The following GABBR2 variants were observed in gnomAD, a reference collection of about 807,000 sequenced individuals.
GABBR2 encodes gamma-aminobutyric acid type B receptor subunit 2, also known as G-protein coupled receptor 51.
In GABBR2, 23 loss-of-function variants were observed where a neutral mutation model predicts 105.6. The observed-to-expected ratio is 0.22, with a 90% CI of 0.16 to 0.31. The LOEUF is 0.31. Among genes scored for constraint, GABBR2 ranks in the 10% least tolerant of loss-of-function variants. GABBR2 has a pLI of 1.00. For missense variants in GABBR2, 734 were observed against 1,245.5 expected, an observed-to-expected ratio of 0.59 and a Z score of 6.18; for synonymous variants, 478 against 499.7, an observed-to-expected ratio of 0.96 and a Z score of 0.58.
intron 7 of GABBR2, among the ~76,000 whole-genome samples, chr9:98,445,003 T>C (rs1411581313): frequency 6.6e-6 from 1 of 152,272 alleles, no homozygotes; most frequent in Non-Finnish European, 1.5e-5. Context: ...ATACTTCTGT[T>C]GTCAGTTCTG....
chr9:98,554,734 CTTT>C (rs1828556884), intron 2 of GABBR2, among the ~76,000 whole-genome samples: 1 of 152,192 alleles, frequency 6.6e-6, no homozygotes, highest in Non-Finnish European at 1.5e-5. Flanking sequence ...TTCTATGATT[CTTT>C]ATTACCTTCT....
chr9:98,681,912 T>C (rs1213559140), intron 1 of GABBR2, among the ~76,000 whole-genome samples: 1 of 152,144 alleles, frequency 6.6e-6, no homozygotes. Context: ...AATCCAGCTA[T>C]GTGAAGATGT....
intron 7 of GABBR2, among the ~76,000 whole-genome samples, chr9:98,414,504 T>C (rs72759683): frequency 6.6e-6 from 1 of 152,138 alleles, no homozygotes; most frequent in Admixed American, 6.5e-5. Context: ...CTGAGCTTCA[T>C]TTTGAATGCA....
chr9:98,349,952 C>T (rs1442533036), intron 13 of GABBR2, among the ~76,000 whole-genome samples: 1 of 152,032 alleles, frequency 6.6e-6, no homozygotes. Flanking sequence ...TGTAGGTTTT[C>T]TATTCCTTTC....
At chr9:98,317,363 T>A (rs2131370644) in intron 13 of GABBR2, among the ~76,000 whole-genome samples, 1 of 152,350 alleles carries the variant, frequency 6.6e-6, no homozygotes, top group Admixed American at 6.5e-5. Context: ...TCCCTCTGCA[T>A]AATGCAATTA....
chr9:98,486,928 C>G (rs528462795), intron 4 of GABBR2, among the ~76,000 whole-genome samples: 4 of 152,090 alleles, frequency 2.6e-5, no homozygotes, highest in Admixed American at 2.6e-4. Context: ...TTACTTAGAC[C>G]CCACCCCCCA....
rs980742367 is a variant in GABBR2 at position 98,547,311 on chromosome 9, TTTTATA to T, written c.460-5274_460-5269del. The stretch of plus-strand genomic sequence containing the variant: ...TGCTATATTTATATTGTGTATATTG[TTTTATA>T]TTTATATTTTTATAATATATTTAAC... On this transcript the variant is annotated intron_variant, in intron 2 of 18. Coordinates refer to ENST00000259455, the MANE Select transcript of GABBR2 (RefSeq NM_005458.8). Among the ~76,000 whole-genome samples the T allele has an allele frequency of 3.4e-5, 4 of 117,548 alleles. 1 individual carries two copies. Among genetic ancestry groups the T allele is most frequent in the African/African-American group, 1.1e-4 (4 of 37,160 alleles). The allele number at this position is 117,548 out of a possible 152,430, so 77.1% of individuals were successfully genotyped here.
At chr9:98,481,552 A>G (rs537057681) in intron 4 of GABBR2, among the ~76,000 whole-genome samples, 12 of 152,246 alleles carry the variant, frequency 7.9e-5, no homozygotes, top group Admixed American at 5.2e-4. Flanking sequence ...GAGCTTCCCA[A>G]TTAAGAGGTT....
chr9:98,374,813 C>T (rs1831844649), intron 11 of GABBR2, among the ~76,000 whole-genome samples: 3 of 152,158 alleles, frequency 2.0e-5, no homozygotes, highest in Admixed American at 2.0e-4. Context: ...GCTGATATTG[C>T]TGTGTATTCT....
intron 3 of GABBR2, among the ~76,000 whole-genome samples, chr9:98,519,711 T>G (rs1827829301): frequency 3.2e-5 from 1 of 30,958 alleles, no homozygotes; most frequent in South Asian, 3.3e-3. Flanking sequence ...AGCCGGCAAC[T>G]TTTTTTTTTT....
chr9:98,647,851 G>A (rs1346287956), intron 1 of GABBR2, among the ~76,000 whole-genome samples: 2 of 152,068 alleles, frequency 1.3e-5, no homozygotes, highest in African/African-American at 2.4e-5. Flanking sequence ...TGATACGAAG[G>A]TTAGTCACTG....
At chr9:98,533,768 T>G (rs1828115868) in intron 3 of GABBR2, among the ~76,000 whole-genome samples, 1 of 152,008 alleles carries the variant, frequency 6.6e-6, no homozygotes, top group Admixed American at 6.5e-5. Flanking sequence ...CTGGGGAGGT[T>G]GAGCCAGATG....
intron 2 of GABBR2, among the ~76,000 whole-genome samples, chr9:98,575,692 T>G (rs1430512537): frequency 6.6e-6 from 1 of 152,202 alleles, no homozygotes; most frequent in Non-Finnish European, 1.5e-5. Flanking sequence ...CTGGGCACCC[T>G]GAGGGCATGA....
intron 1 of GABBR2, among the ~76,000 whole-genome samples, chr9:98,636,971 C>A (rs1829886998): frequency 6.6e-6 from 1 of 152,082 alleles, no homozygotes; most frequent in Non-Finnish European, 1.5e-5. Context: ...CCAAGGAATT[C>A]TTGAGGGGAG....
intron 6 of GABBR2, among the ~76,000 whole-genome samples, chr9:98,472,521 C>A (rs893319930): frequency 5.7e-5 from 8 of 139,994 alleles, no homozygotes; most frequent in Non-Finnish European, 9.7e-5. Context: ...CTCCTGATAA[C>A]CCCCAGAAGG....
At chr9:98,344,116 A>G (rs653873) in intron 13 of GABBR2, among the ~76,000 whole-genome samples, 102,933 of 151,826 alleles carry the variant, frequency 0.68, 35,329 homozygotes, top group African/African-American at 0.79. Context: ...CCAAACATGC[A>G]CAGGATCCAG....
At position 98,409,351 on chromosome 9, in the gene GABBR2, G is replaced by A. The variant is rs141747840; in HGVS notation, c.1237-3210C>T. On this transcript the variant is annotated intron_variant, in intron 7 of 18. Transcript: ENST00000259455. ...CAGAATGGATGGTAGTGTGGCAAAC[G>A]TGGAAGCAGAGACTCTGGAAGCTCT... is the stretch of plus-strand genomic sequence containing the variant. Among the ~76,000 whole-genome samples, 26 of 152,354 alleles carry A rather than the reference G, an allele frequency of 1.7e-4. No homozygotes were observed. In the East Asian group the frequency reaches 2.7e-3, roughly 16 times the overall value.
In GABBR2 at chr9:98,306,623, A is replaced by G; in HGVS notation, c.2005-278T>C. On this transcript the variant is annotated intron_variant, in intron 14 of 18. Transcript: ENST00000259455. This position sits in a 1 kb window ranked among gnomAD's most constrained non-coding sequence, Gnocchi z 5.4. ...TTCATGCACAGACCTGCCCAAGGCT[A>G]CAGTGGAAGGGAACTTCAGATAAGA... The G allele has an allele frequency of 2.0e-6, 1 of 488,388 alleles. No homozygotes were observed. 30.3% of individuals were successfully genotyped at this position (488,388 alleles called of 1,614,324 possible).
intron 3 of GABBR2, among the ~76,000 whole-genome samples, chr9:98,528,402 A>G (rs1237197429): frequency 1.3e-5 from 2 of 152,194 alleles, no homozygotes; most frequent in African/African-American, 4.8e-5. Context: ...ATTTACAAAA[A>G]TTTTGGAGAT....
Sources: gnomAD v4.1 joint callset for allele counts (sites outside exome capture counted in the v4.1 genomes callset) on GRCh38, gnomAD v4.1.1 for gene constraint, Gnocchi (gnomAD v3.1) non-coding constraint, MANE v1.5 for transcripts, NCBI Gene and HGNC (gene_info 2026-07-23, HGNC 2026-07-21) for gene names.